The following EXOC4 variants were observed in gnomAD, a reference collection of about 807,000 sequenced individuals.
EXOC4 encodes the protein SEC8-like 1.
A neutral mutation model predicts 107.2 loss-of-function variants in EXOC4; 71 were observed. That is an observed-to-expected ratio of 0.66 (90% CI 0.55 to 0.81). The LOEUF is 0.81. Ranked by LOEUF, EXOC4 falls within the 30% of genes least tolerant of loss-of-function variation. The probability of loss-of-function intolerance (pLI) is 0.00; values close to 1 mark genes in which losing one functional copy is unlikely to be tolerated. For missense variants in EXOC4, 1,108 were observed against 1,189.6 expected (o/e 0.93, Z 1.01); for synonymous variants, 456 against 441.2 (o/e 1.03, Z -0.42).
intron 5 of EXOC4, among the ~76,000 whole-genome samples, chr7:133,333,676 T>C (rs1448702409): frequency 6.6e-6 from 1 of 152,124 alleles, no homozygotes; most frequent in Non-Finnish European, 1.5e-5. Flanking sequence ...TGTATCTATT[T>C]ATTTCTGTAT....
chr7:133,410,560 A>G (rs1017062492), intron 7 of EXOC4, among the ~76,000 whole-genome samples: 2 of 152,100 alleles, frequency 1.3e-5, no homozygotes, highest in Non-Finnish European at 2.9e-5. Context: ...TGTTAGGTCT[A>G]TTTTGATTGA....
intron 10 of EXOC4, among the ~76,000 whole-genome samples, chr7:133,816,850 C>T (rs929482123): frequency 2.0e-5 from 3 of 152,164 alleles, no homozygotes; most frequent in African/African-American, 2.4e-5. Context: ...TGGTAATGCT[C>T]GCCCAGCTGG....
intron 10 of EXOC4, among the ~76,000 whole-genome samples, chr7:133,660,347 G>C (rs1803410683): frequency 1.3e-5 from 2 of 152,104 alleles, no homozygotes; most frequent in Admixed American, 6.6e-5. Flanking sequence ...CCGTGAACTA[G>C]AGTAAGGGGA....
chr7:133,956,996 C>A (rs1336680067), intron 14 of EXOC4, among the ~76,000 whole-genome samples: 1 of 149,212 alleles, frequency 6.7e-6, no homozygotes, highest in Non-Finnish European at 1.5e-5. Context: ...TTTTTTTTGT[C>A]AATGTGAGAA....
chr7:133,413,432 G>C (rs1254293492), intron 7 of EXOC4, among the ~76,000 whole-genome samples: 7 of 152,182 alleles, frequency 4.6e-5, no homozygotes, highest in African/African-American at 9.6e-5. Context: ...TGCTATAGAT[G>C]GTCTTTCTTT....
At chr7:134,087,344 A>T in the EXOC4 span, among the ~76,000 whole-genome samples, 1 of 152,216 alleles carries the variant, frequency 6.6e-6, no homozygotes, top group South Asian at 2.1e-4. Flanking sequence ...AAAACAGCTC[A>T]GTCAGAAAGC....
intron 14 of EXOC4, among the ~76,000 whole-genome samples, chr7:133,945,889 G>C (rs944502066): frequency 5.3e-5 from 8 of 152,044 alleles, no homozygotes; most frequent in Non-Finnish European, 1.2e-4. Context: ...TTCTGCCTTG[G>C]CACAAATGAA....
At chr7:133,762,126 G>A (rs6467504) in intron 10 of EXOC4, among the ~76,000 whole-genome samples, 131,113 of 152,108 alleles carry the variant, frequency 0.86, 57,054 homozygotes, top group East Asian at 0.99. Flanking sequence ...CCTGAGACCA[G>A]AGATATGTAT....
chr7:133,667,183 A>G (rs890419151), intron 10 of EXOC4, among the ~76,000 whole-genome samples: 2 of 152,214 alleles, frequency 1.3e-5, no homozygotes, highest in Admixed American at 6.5e-5. Context: ...CCATACCCTA[A>G]GTAATCGAGG....
intron 10 of EXOC4, among the ~76,000 whole-genome samples, chr7:133,653,697 G>C (rs1208097735): frequency 6.6e-6 from 1 of 152,086 alleles, no homozygotes; most frequent in African/African-American, 2.4e-5. Context: ...TGACAGATAA[G>C]AAAAGGTAAG....
At chr7:134,011,518 C>T (rs1228970603) in intron 17 of EXOC4, among the ~76,000 whole-genome samples, 2 of 151,810 alleles carry the variant, frequency 1.3e-5, no homozygotes, top group Non-Finnish European at 2.9e-5. Context: ...TTTTTTTGGA[C>T]TGGTATCTTT....
chr7:133,658,961 C>T (rs1283143098), intron 10 of EXOC4, among the ~76,000 whole-genome samples: 1 of 140,658 alleles, frequency 7.1e-6, no homozygotes, highest in Admixed American at 7.1e-5. Flanking sequence ...AAAGAAGTAA[C>T]CTTAGCCAAT....
intron 11 of EXOC4, among the ~76,000 whole-genome samples, chr7:133,824,746 TGGCAGC>T (rs1797657777): frequency 1.3e-5 from 2 of 152,286 alleles, no homozygotes; most frequent in African/African-American, 4.8e-5. Flanking sequence ...TTTTTGGCTC[TGGCAGC>T]GTAACTGCAA....
At chr7:133,622,720 G>A (rs1802364111) in intron 9 of EXOC4, among the ~76,000 whole-genome samples, 1 of 152,030 alleles carries the variant, frequency 6.6e-6, no homozygotes, top group Non-Finnish European at 1.5e-5. Context: ...TTTATTTAGA[G>A]TTGATTCCAT....
intron 9 of EXOC4, among the ~76,000 whole-genome samples, chr7:133,565,127 T>C (rs914005445): frequency 2.6e-5 from 4 of 152,162 alleles, no homozygotes; most frequent in African/African-American, 9.7e-5. Context: ...CAAAATGGAT[T>C]GAGGTTCAGG....
At chr7:133,375,946 A>G (rs549553980) in intron 7 of EXOC4, among the ~76,000 whole-genome samples, 19 of 152,366 alleles carry the variant, frequency 1.2e-4, no homozygotes, top group African/African-American at 3.8e-4. Context: ...AAGCTTTGAC[A>G]TAACTAAATA....
At chr7:134,067,674 C>CACACACAG (rs1563111830), downstream of EXOC4, among the ~76,000 whole-genome samples, 1 of 22 alleles carries the variant, frequency 0.045, no homozygotes, top group African/African-American at 0.12. Flanking sequence ...CACACACACA[C>CACACACAG]AGGCAATTGT....
intron 5 of EXOC4, among the ~76,000 whole-genome samples, chr7:133,352,540 G>T (rs966265380): frequency 6.6e-6 from 1 of 151,654 alleles, no homozygotes; most frequent in Non-Finnish European, 1.5e-5. Flanking sequence ...CCTTTGAATC[G>T]ATTTGTGCCT....
At chr7:134,052,843 C>T (rs1030147106) in intron 17 of EXOC4, among the ~76,000 whole-genome samples, 5 of 152,166 alleles carry the variant, frequency 3.3e-5, no homozygotes, top group African/African-American at 9.7e-5. Flanking sequence ...AGTGAAAACA[C>T]GGATCTCTGT....
Sources: gnomAD v4.1 joint callset for allele counts (sites outside exome capture counted in the v4.1 genomes callset) on GRCh38, gnomAD v4.1.1 for gene constraint, MANE v1.5 for transcripts, NCBI Gene and HGNC (gene_info 2026-07-23, HGNC 2026-07-21) for gene names.